PAPPA2: variants seen among roughly 807,000 people sequenced by gnomAD.
The protein encoded by PAPPA2 is pappalysin 2, also known as pappalysin-2.
A neutral mutation model predicts 176.4 loss-of-function variants in PAPPA2; 86 were observed. That is an observed-to-expected ratio of 0.49 (90% CI 0.41 to 0.58). PAPPA2 has a LOEUF of 0.58. Among genes scored for constraint, PAPPA2 ranks in the 20% least tolerant of loss-of-function variants. The pLI is 0.00. For synonymous variants in PAPPA2, 809 were observed against 852.2 expected, an observed-to-expected ratio of 0.95 and a Z score of 0.88; for missense variants, 2,073 against 2,256.9, an observed-to-expected ratio of 0.92 and a Z score of 1.65.
At chr1:176,639,843 T>C (rs1022217029) in intron 3 of PAPPA2, among the ~76,000 whole-genome samples, 2 of 151,890 alleles carry the variant, frequency 1.3e-5, no homozygotes, top group Non-Finnish European at 2.9e-5. Context: ...ATGTACTTGG[T>C]ATTTTGCTAT....
chr1:176,561,761 A>G (rs1264256111), intron 2 of PAPPA2, among the ~76,000 whole-genome samples: 1 of 152,224 alleles, frequency 6.6e-6, no homozygotes, highest in East Asian at 1.9e-4. Flanking sequence ...CACAACGTTC[A>G]GAGCTGTATT....
intron 14 of PAPPA2, among the ~76,000 whole-genome samples, chr1:176,740,536 C>A (rs1325500724): frequency 2.0e-5 from 3 of 152,162 alleles, no homozygotes. Context: ...CTCAATGTTC[C>A]TTAAGCAATG....
chr1:176,707,852 C>T (rs1660943997), intron 10 of PAPPA2, among the ~76,000 whole-genome samples: 1 of 152,110 alleles, frequency 6.6e-6, no homozygotes, highest in Non-Finnish European at 1.5e-5. Flanking sequence ...AAATACCTCT[C>T]CATTATTCTC....
intron 11 of PAPPA2, among the ~76,000 whole-genome samples, chr1:176,711,247 C>T (rs1661129031): frequency 6.6e-6 from 1 of 152,144 alleles, no homozygotes; most frequent in Admixed American, 6.5e-5. Flanking sequence ...TTCTGCCACA[C>T]TCTCTCAGCC....
intron 21 of PAPPA2, among the ~76,000 whole-genome samples, chr1:176,826,671 A>C (rs1666873104): frequency 6.6e-6 from 1 of 152,252 alleles, no homozygotes; most frequent in African/African-American, 2.4e-5. Flanking sequence ...ATTGGCAAGA[A>C]AACATTCTGG....
chr1:176,690,089 A>G, intron 4 of PAPPA2, 48 bp from the exon 5 acceptor site: 2 of 1,455,482 alleles, frequency 1.4e-6, no homozygotes, highest in Non-Finnish European at 1.9e-6. Context: ...AGGATTGGAG[A>G]GCTATTCATT....
At chr1:176,632,713 T>A (rs1656420767) in intron 3 of PAPPA2, among the ~76,000 whole-genome samples, 1 of 152,152 alleles carries the variant, frequency 6.6e-6, no homozygotes, top group Non-Finnish European at 1.5e-5. Context: ...ACAAATGACC[T>A]GAAGGCATAT....
At chr1:176,722,093 A>G (rs936054050) in intron 12 of PAPPA2, among the ~76,000 whole-genome samples, 2 of 152,086 alleles carry the variant, frequency 1.3e-5, no homozygotes, top group Non-Finnish European at 2.9e-5. Flanking sequence ...TTTTTCCTAT[A>G]TATTCTTTGT....
At chr1:176,705,340 T>C (rs1168396767) in intron 9 of PAPPA2, among the ~76,000 whole-genome samples, 2 of 152,238 alleles carry the variant, frequency 1.3e-5, no homozygotes, top group Admixed American at 1.3e-4. Flanking sequence ...ATTCATAGCA[T>C]ACATTTAATT....
At chr1:176,740,657 A>G (rs1662637812) in intron 14 of PAPPA2, among the ~76,000 whole-genome samples, 1 of 152,208 alleles carries the variant, frequency 6.6e-6, no homozygotes, top group Non-Finnish European at 1.5e-5. Flanking sequence ...TAGGAAATGC[A>G]TTAGCTACAT....
intron 12 of PAPPA2, among the ~76,000 whole-genome samples, chr1:176,725,824 A>G (rs1265853319): frequency 6.6e-6 from 1 of 152,210 alleles, no homozygotes; most frequent in Non-Finnish European, 1.5e-5. Context: ...TCTGTCGCCC[A>G]GGCTGGAGTG....
chr1:176,716,602 CT>C (rs71299410), intron 12 of PAPPA2, among the ~76,000 whole-genome samples: 115 of 114,824 alleles, frequency 1.0e-3, no homozygotes, highest in Middle Eastern at 7.4e-3. Context: ...TTCCTTCCTT[CT>C]TTTTTTTTTT....
At chr1:176,503,456 G>T (rs1648077810) in intron 1 of PAPPA2, among the ~76,000 whole-genome samples, 4 of 152,072 alleles carry the variant, frequency 2.6e-5, no homozygotes, top group Non-Finnish European at 5.9e-5. Flanking sequence ...CATATTTACA[G>T]ATTCCAGTGA....
chr1:176,619,265 T>C (rs1345024832), intron 3 of PAPPA2, among the ~76,000 whole-genome samples: 1 of 152,220 alleles, frequency 6.6e-6, no homozygotes, highest in Non-Finnish European at 1.5e-5. Flanking sequence ...AGTTAAATTG[T>C]TTCAGTAAAT....
Position 176,532,127 on chromosome 1 carries a change from T to C in PAPPA2, c.-916-23280T>C, listed in dbSNP as rs142885050. On this transcript the variant is annotated intron_variant, in intron 1 of 22. Coordinates refer to ENST00000367662, the MANE Select transcript of PAPPA2 (RefSeq NM_020318.3). Reference sequence around the variant, plus strand: ...GAAAATTGAAAACACATAAGCACATTTGCCGGGTTTAATAGCCCTGCTCCC... The same window carrying C: ...GAAAATTGAAAACACATAAGCACATCTGCCGGGTTTAATAGCCCTGCTCCC... 4.6e-5 allele frequency among the ~76,000 whole-genome samples: 7 copies of C among 152,242 alleles called. No individual in the cohort carries two copies. The East Asian group carries it at 1.2e-3, about 25-fold the overall frequency.
intron 3 of PAPPA2, among the ~76,000 whole-genome samples, chr1:176,638,993 G>A (rs1656903434): frequency 6.6e-6 from 1 of 150,846 alleles, no homozygotes; most frequent in Non-Finnish European, 1.5e-5. Flanking sequence ...GGGGAGGCAA[G>A]TGGAGAATGC....
intron 1 of PAPPA2, among the ~76,000 whole-genome samples, chr1:176,529,006 A>G (rs1400065280): frequency 6.6e-6 from 1 of 152,150 alleles, no homozygotes; most frequent in Non-Finnish European, 1.5e-5. Flanking sequence ...TTGGATTCCA[A>G]GTTACTTGTG....
chr1:176,768,012 G>A (rs1664056414), intron 15 of PAPPA2, among the ~76,000 whole-genome samples: 1 of 152,214 alleles, frequency 6.6e-6, no homozygotes, highest in Admixed American at 6.5e-5. Flanking sequence ...GGTGTCAGGG[G>A]TGACAGGTGC....
chr1:176,651,988 T>A (rs937025003), intron 3 of PAPPA2, among the ~76,000 whole-genome samples: 22 of 151,730 alleles, frequency 1.4e-4, no homozygotes, highest in Middle Eastern at 3.2e-3. Context: ...TCTGTTTTTT[T>A]AAAAAACTAT....
Sources: allele counts gnomAD v4.1 joint callset (sites outside exome capture counted in the v4.1 genomes callset), GRCh38; gene constraint gnomAD v4.1.1; transcripts MANE v1.5; gene names NCBI Gene and HGNC (gene_info 2026-07-23, HGNC 2026-07-21).